Variants in FAM124A observed in about 807,000 individuals in gnomAD.
The protein encoded by FAM124A is protein FAM124A.
FAM124A carries 23 observed loss-of-function variants against 24.5 expected under a neutral mutation model. The ratio of observed to expected loss-of-function variants is 0.94; its 90% CI spans 0.68 to 1.33. FAM124A has a LOEUF of 1.33. Among genes scored for constraint, FAM124A ranks in the 40% most tolerant of loss-of-function variants. The pLI is 0.00. For synonymous variants in FAM124A, 287 were observed against 314.7 expected (o/e 0.91, Z 0.93); for missense variants, 623 against 722.8 (o/e 0.86, Z 1.58).
chr13:51,243,006 A>C (rs1593592229), intron 2 of FAM124A, among the ~76,000 whole-genome samples: 1 of 152,370 alleles, frequency 6.6e-6, no homozygotes, highest in South Asian at 2.1e-4. Flanking sequence ...GCCTAGGTTC[A>C]GTTCTTCAAT....
intron 3 of FAM124A, among the ~76,000 whole-genome samples, chr13:51,265,074 C>T (rs973837): frequency 0.83 from 125,496 of 152,112 alleles, 51,867 homozygotes; most frequent in East Asian, 0.95. Flanking sequence ...AAGCATCTCA[C>T]AGGATGGCTG....
chr13:51,245,284 C>A, intron 2 of FAM124A: 1 of 628,540 alleles, frequency 1.6e-6, no homozygotes, highest in South Asian at 1.9e-5. Flanking sequence ...AATCTGGCCG[C>A]CCCCCACTTT....
At chr13:51,222,746 C>T (rs1642161689) in intron 1 of FAM124A, among the ~76,000 whole-genome samples, 177 bp downstream of exon 1, 1 of 152,138 alleles carries the variant, frequency 6.6e-6, no homozygotes, top group Non-Finnish European at 1.5e-5. Flanking sequence ...AGGGCGGGCA[C>T]CACCCGGGGG....
chr13:51,241,040 G>A (rs918800893), intron 2 of FAM124A, among the ~76,000 whole-genome samples: 1 of 152,212 alleles, frequency 6.6e-6, no homozygotes, highest in Non-Finnish European at 1.5e-5. Flanking sequence ...CTCTGCTCTA[G>A]GTTTTTAGCC....
At chr13:51,265,554 A>G (rs1170727672) in intron 3 of FAM124A, among the ~76,000 whole-genome samples, 1 of 152,234 alleles carries the variant, frequency 6.6e-6, no homozygotes, top group African/African-American at 2.4e-5. Context: ...GCCTAAATCA[A>G]CACAGTCAAG....
At chr13:51,226,921 G>T (rs12429536) in intron 1 of FAM124A, among the ~76,000 whole-genome samples, 18,567 of 152,044 alleles carry the variant, frequency 0.12, 1,555 homozygotes, top group East Asian at 0.48. Flanking sequence ...GAGGGATGAC[G>T]ATAGTAGTAC....
Position 51,281,370 on chromosome 13 carries a change from C to A in FAM124A, c.*114C>A. ...TCTTCATGATCCATTTCCCAGGAGC[C>A]CGTAGCACATTTGCCTACCACCCAC... On this transcript the variant is annotated 3_prime_UTR_variant, in exon 4 of 4. Coordinates refer to ENST00000322475, the MANE Select transcript of FAM124A (RefSeq NM_001242312.2). 1 of 1,111,934 alleles carries A rather than the reference C, an allele frequency of 9.0e-7. No individual in the cohort carries two copies. The highest frequency in any genetic ancestry group is 1.2e-6 in the Non-Finnish European group (1 of 813,290). The allele number at this position is 1,111,934 out of a possible 1,614,324, so 68.9% of individuals were successfully genotyped here. A position where few individuals can be genotyped will look rare whatever the true frequency, so the allele number is the denominator to read the frequency against.
rs775656780 is a variant in FAM124A, at chr13:51,283,795, A to AG, written c.*2541dup. 1.3e-5 allele frequency: 2 copies of AG among 149,036 alleles called. No individual in the cohort carries two copies. The highest frequency in any genetic ancestry group is 3.0e-5 in the Non-Finnish European group (2 of 67,534). 9.2% of individuals were successfully genotyped at this position (149,036 alleles called of 1,614,324 possible). On this transcript the variant is annotated 3_prime_UTR_variant, in exon 4 of 4. Transcript: ENST00000322475. The stretch of plus-strand genomic sequence containing the variant: ...AAAAAAAAAAAAAAAAAAAAAAAAA[A>AG]GGCTAATGGCCGAGGGCTGGCTCCT...
intron 1 of FAM124A, among the ~76,000 whole-genome samples, chr13:51,227,084 T>TTTATAATTAATA (rs1180742449): frequency 6.6e-6 from 1 of 152,218 alleles, no homozygotes; most frequent in African/African-American, 2.4e-5. Flanking sequence ...ATTATAAACT[T>TTTATAATTAATA]AGAGTTTTAT....
At chr13:51,273,487 G>A (rs762377793) in intron 3 of FAM124A, among the ~76,000 whole-genome samples, 2 of 152,110 alleles carry the variant, frequency 1.3e-5, no homozygotes, top group Non-Finnish European at 2.9e-5. Context: ...TGCCCAGGCC[G>A]GTCTCAAACT....
intron 3 of FAM124A, among the ~76,000 whole-genome samples, chr13:51,255,357 A>G (rs9316531): frequency 0.31 from 47,250 of 151,986 alleles, 8,212 homozygotes; most frequent in African/African-American, 0.47. Context: ...TTAAAATTTA[A>G]ATTTAAATTT....
At chr13:51,267,742 C>G (rs1285154646) in intron 3 of FAM124A, among the ~76,000 whole-genome samples, 2 of 152,100 alleles carry the variant, frequency 1.3e-5, no homozygotes, top group African/African-American at 4.8e-5. Flanking sequence ...GTTAAGCTGC[C>G]CTTCTACTAA....
At chr13:51,246,795 C>G (rs1388162917) in intron 2 of FAM124A, among the ~76,000 whole-genome samples, 2 of 152,222 alleles carry the variant, frequency 1.3e-5, no homozygotes, top group Non-Finnish European at 2.9e-5. Flanking sequence ...TGTTACTGCT[C>G]TCAGGGAAAC....
intron 3 of FAM124A, among the ~76,000 whole-genome samples, chr13:51,271,642 A>G (rs1842968138): frequency 6.6e-6 from 1 of 152,160 alleles, no homozygotes; most frequent in African/African-American, 2.4e-5. Context: ...CTTATGTGCA[A>G]CCAGGATTGC....
At chr13:51,222,688 C>A in intron 1 of FAM124A, 119 bp downstream of exon 1, 1 of 1,001,574 alleles carries the variant, frequency 1.0e-6, no homozygotes, top group Non-Finnish European at 1.3e-6. Context: ...GGCTTCTCCT[C>A]CTGCCGGATC....
At chr13:51,275,531 C>T (rs542135216) in intron 3 of FAM124A, among the ~76,000 whole-genome samples, 1 of 152,224 alleles carries the variant, frequency 6.6e-6, no homozygotes, top group Admixed American at 6.5e-5. Flanking sequence ...TTTTGCAATG[C>T]ATATATCTAA....
intron 3 of FAM124A, among the ~76,000 whole-genome samples, chr13:51,267,982 G>A (rs1174867675): frequency 6.6e-6 from 1 of 152,216 alleles, no homozygotes; most frequent in Non-Finnish European, 1.5e-5. Flanking sequence ...TAAAGCTTGG[G>A]GAGTGGTCAG....
chr13:51,253,892 A>G (rs1282975675), intron 3 of FAM124A, among the ~76,000 whole-genome samples: 1 of 152,214 alleles, frequency 6.6e-6, no homozygotes. Flanking sequence ...CCTTGTTCAA[A>G]TAGTAATATG....
Position 51,252,210 on chromosome 13 carries a change from G to A in FAM124A, c.834+9G>A, listed in dbSNP as rs765368859. On this transcript the variant is annotated intron_variant, in intron 3 of 3. Coordinates refer to ENST00000322475, the MANE Select transcript of FAM124A (RefSeq NM_001242312.2). The stretch of plus-strand genomic sequence containing the variant: ...ACAAGATCCTCCTACAGGTACTGGG[G>A]GGACGCCTGTCTGTCTGTTTAGGGG... 26 of 1,609,966 alleles carry A rather than the reference G, an allele frequency of 1.6e-5. No individual in the cohort carries two copies. Among genetic ancestry groups the A allele is most frequent in the South Asian group, 3.3e-5 (3 of 90,866 alleles).
Sources: allele counts gnomAD v4.1 joint callset (sites outside exome capture counted in the v4.1 genomes callset), GRCh38; gene constraint gnomAD v4.1.1; transcripts MANE v1.5; gene names NCBI Gene and HGNC (gene_info 2026-07-23, HGNC 2026-07-21).